ELP3: variants seen among roughly 807,000 people sequenced by gnomAD.
ELP3 encodes the protein elongator complex protein 3.
Under a neutral mutation model 74.9 loss-of-function variants are expected in ELP3, and 56 were observed. The observed-to-expected ratio is 0.75, with a 90% CI of 0.60 to 0.93. The LOEUF (loss-of-function observed/expected upper bound fraction) is 0.93. ELP3 is among the 40% of genes least tolerant of loss of function. ELP3 has a pLI of 0.00. For synonymous variants in ELP3, 222 were observed against 239.8 expected (o/e 0.93, Z 0.68); for missense variants, 573 against 686.5 (o/e 0.83, Z 1.85).
intron 8 of ELP3, among the ~76,000 whole-genome samples, chr8:28,131,099 A>T (rs142997117): frequency 6.6e-6 from 1 of 152,238 alleles, no homozygotes; most frequent in African/African-American, 2.4e-5. Context: ...GAAATTAAGC[A>T]GGAAATACTG....
Position 28,190,762 on chromosome 8 carries a change from T to C in ELP3, c.*1037T>C, listed in dbSNP as rs965557971. 6.6e-6 allele frequency: 1 copy of C among 152,112 alleles called. No individual in the cohort carries two copies. Among genetic ancestry groups the C allele is most frequent in the Non-Finnish European group, 1.5e-5 (1 of 68,018 alleles). 9.4% of individuals were successfully genotyped at this position (152,112 alleles called of 1,614,324 possible). A position where few individuals can be genotyped will look rare whatever the true frequency, so the allele number is the denominator to read the frequency against. ...TAGTAGAGATGGGGGTTTCACCATA[T>C]TGGTCAGGCTGGTCTCGAACTCCTG... is the stretch of plus-strand genomic sequence containing the variant. On this transcript the variant is annotated 3_prime_UTR_variant, in exon 15 of 15. Coordinates refer to ENST00000256398, the MANE Select transcript of ELP3 (RefSeq NM_018091.6).
In ELP3 at chr8:28,173,470, G is replaced by A. The variant is rs372669106; in HGVS notation, c.1567+11392G>A. ...TGCCCCCTCTTTTATTTCTGTTTTT[G>A]TGATTTGAGTCTTCTCTTTTTTAAC... is the stretch of plus-strand genomic sequence containing the variant. On this transcript the variant is annotated intron_variant, in intron 14 of 14. Coordinates refer to ENST00000256398, the MANE Select transcript of ELP3 (RefSeq NM_018091.6). Among the ~76,000 whole-genome samples, 41 of 151,230 alleles carry A rather than the reference G, an allele frequency of 2.7e-4. No homozygotes were observed. In the East Asian group the frequency reaches 6.4e-3, roughly 24 times the overall value.
Position 28,152,781 on chromosome 8 carries a change from G to A in ELP3, c.1101-3161G>A, listed in dbSNP as rs148514734. On this transcript the variant is annotated intron_variant, in intron 10 of 14. Coordinates refer to ENST00000256398, the MANE Select transcript of ELP3 (RefSeq NM_018091.6). The stretch of plus-strand genomic sequence containing the variant: ...AGATCATGCCACTGCACTCCAGCCT[G>A]GGTGACAGAGCGAGACTCCATCTCA... Among the ~76,000 whole-genome samples, 846 of 152,304 alleles carry A rather than the reference G, an allele frequency of 5.6e-3. 29 individuals carry two copies. In the East Asian group the frequency reaches 0.085, roughly 15 times the overall value.
intron 10 of ELP3, among the ~76,000 whole-genome samples, chr8:28,145,646 G>A (rs553524808): frequency 2.6e-5 from 4 of 152,136 alleles, no homozygotes; most frequent in East Asian, 1.9e-4. Flanking sequence ...GTTTTGAGAC[G>A]AAGTCTAACC....
At chr8:28,183,265 G>A (rs1365314204) in intron 14 of ELP3, 13 of 457,052 alleles carry the variant, frequency 2.8e-5, no homozygotes, top group Middle Eastern at 3.2e-4. Context: ...ACTTTGCAAG[G>A]TATTCTTTTT....
At chr8:28,160,752 T>C (rs1814045563) in intron 13 of ELP3, among the ~76,000 whole-genome samples, 1 of 151,130 alleles carries the variant, frequency 6.6e-6, no homozygotes, top group South Asian at 2.1e-4. Flanking sequence ...CAGAGTGCAG[T>C]GGCGTGATCT....
intron 7 of ELP3, among the ~76,000 whole-genome samples, chr8:28,127,984 A>G (rs1812645486): frequency 6.6e-6 from 1 of 152,248 alleles, no homozygotes; most frequent in African/African-American, 2.4e-5. Flanking sequence ...TTAAGAGTGA[A>G]AGAGTGAACC....
intron 7 of ELP3, among the ~76,000 whole-genome samples, chr8:28,115,565 A>G (rs763278458): frequency 6.6e-6 from 1 of 152,170 alleles, no homozygotes. Flanking sequence ...TGGGTGTTTA[A>G]TATTCACTTA....
intron 11 of ELP3, among the ~76,000 whole-genome samples, chr8:28,158,113 C>T (rs1041509854): frequency 3.6e-5 from 5 of 137,584 alleles, no homozygotes; most frequent in African/African-American, 1.3e-4. Context: ...TAAAATGATA[C>T]AAATATGGGG....
chr8:28,124,367 G>T (rs953308370), intron 7 of ELP3, among the ~76,000 whole-genome samples: 6 of 152,050 alleles, frequency 3.9e-5, no homozygotes, highest in African/African-American at 1.4e-4. Flanking sequence ...TATTTTGTGT[G>T]TGTGATTTAG....
At position 28,110,297 on chromosome 8, in the gene ELP3, T is replaced by A. The variant is rs1585648985; in HGVS notation, c.394-73T>A. On this transcript the variant is annotated intron_variant, in intron 5 of 14. Coordinates refer to ENST00000256398, the MANE Select transcript of ELP3 (RefSeq NM_018091.6). Reference sequence around the variant, plus strand: ...GTTCGGAACCATGGAGAGTTTTTTTTAAAATACAGTCCTTTTGAAACTACT... The same window carrying A: ...GTTCGGAACCATGGAGAGTTTTTTTAAAAATACAGTCCTTTTGAAACTACT... 13 of 1,338,546 alleles carry A rather than the reference T, an allele frequency of 9.7e-6. No homozygotes were observed. In the East Asian group the frequency reaches 1.4e-4, roughly 14 times the overall value. The allele number at this position is 1,338,546 out of a possible 1,614,324, so 82.9% of individuals were successfully genotyped here.
intron 14 of ELP3, among the ~76,000 whole-genome samples, chr8:28,176,373 A>G (rs1362635056): frequency 2.6e-5 from 4 of 152,216 alleles, no homozygotes; most frequent in Non-Finnish European, 2.9e-5. Context: ...TCCAAAGTGA[A>G]CATAATACAC....
intron 14 of ELP3, among the ~76,000 whole-genome samples, chr8:28,167,888 G>A (rs992704156): frequency 6.6e-6 from 1 of 152,102 alleles, no homozygotes; most frequent in African/African-American, 2.4e-5. Flanking sequence ...AAAGACAATG[G>A]ATACAATATA....
intron 4 of ELP3, among the ~76,000 whole-genome samples, chr8:28,107,201 T>A (rs1244990833): frequency 6.6e-6 from 1 of 152,182 alleles, no homozygotes; most frequent in Non-Finnish European, 1.5e-5. Context: ...TGAGCCGAGA[T>A]CACGCCACTG....
intron 14 of ELP3, among the ~76,000 whole-genome samples, chr8:28,185,723 G>A (rs1815213769): frequency 6.6e-6 from 1 of 152,202 alleles, no homozygotes; most frequent in Admixed American, 6.5e-5. Flanking sequence ...GGCAGTGGCT[G>A]AGCCCGCGTG....
intron 14 of ELP3, among the ~76,000 whole-genome samples, chr8:28,175,896 C>T (rs1258184280): frequency 7.2e-6 from 1 of 139,254 alleles, no homozygotes; most frequent in Non-Finnish European, 1.5e-5. Context: ...CTCACTGCAA[C>T]CTCCGCCTCG....
In ELP3 at chr8:28,132,300, T is replaced by G. The variant is rs866987228; in HGVS notation, c.802T>G (p.Cys268Gly). The change falls in exon 9 of 15, where the codon TGT (cysteine) becomes GGT (glycine). Residue 268 changes from cysteine to glycine, a missense_variant. Transcript: ENST00000256398. ...TAGGGGCCACACTGTGAAGGCAGTG[T>G]GTGAGTCATTTCACCTGGCCAAAGA... ...TNRGHTVKAV[C>G]ESFHLAKDSG... 1 of 1,614,122 alleles carries G rather than the reference T, an allele frequency of 6.2e-7. No homozygotes were observed. Among genetic ancestry groups the G allele is most frequent in the South Asian group, 1.1e-5 (1 of 91,076 alleles).
At chr8:28,123,225 A>G (rs1812442136) in intron 7 of ELP3, among the ~76,000 whole-genome samples, 1 of 152,224 alleles carries the variant, frequency 6.6e-6, no homozygotes, top group Non-Finnish European at 1.5e-5. Context: ...TTTAATTATT[A>G]TTCAATTCAA....
intron 10 of ELP3, among the ~76,000 whole-genome samples, chr8:28,150,582 T>C (rs1419120018): frequency 6.6e-6 from 1 of 152,130 alleles, no homozygotes; most frequent in Non-Finnish European, 1.5e-5. Flanking sequence ...AAGTTGGATA[T>C]AATTTTTATT....
Sources: allele counts gnomAD v4.1 joint callset (sites outside exome capture counted in the v4.1 genomes callset), GRCh38; gene constraint gnomAD v4.1.1; transcripts MANE v1.5; gene names NCBI Gene and HGNC (gene_info 2026-07-23, HGNC 2026-07-21).